Variants in CFAP44 observed in about 807,000 individuals in gnomAD.
CFAP44 encodes cilia- and flagella-associated protein 44.
In CFAP44, 134 loss-of-function variants were observed where a neutral mutation model predicts 216.2. That is an observed-to-expected ratio of 0.62 (90% CI 0.54 to 0.72). The LOEUF is 0.72. Ranked by LOEUF, CFAP44 falls within the 30% of genes least tolerant of loss-of-function variation. The pLI is 0.00. For synonymous variants in CFAP44, 700 were observed against 727.6 expected, an observed-to-expected ratio of 0.96 and a Z score of 0.61; for missense variants, 2,035 against 2,182.1, an observed-to-expected ratio of 0.93 and a Z score of 1.34.
intron 4 of CFAP44, 181 bp downstream of exon 4, chr3:113,425,943 T>C (rs370044735): frequency 1.2e-5 from 8 of 666,502 alleles, no homozygotes; most frequent in African/African-American, 9.1e-5. Context: ...CCTGTCCTTG[T>C]TGTGTGATGG....
chr3:113,312,900 G>C (rs973760760), intron 28 of CFAP44, among the ~76,000 whole-genome samples: 4 of 152,164 alleles, frequency 2.6e-5, no homozygotes, highest in African/African-American at 9.7e-5. Context: ...TGGATACCCA[G>C]GCAGAAGTTT....
At chr3:113,379,630 A>C in intron 16 of CFAP44, 79 bp from the exon 17 acceptor site, 1 of 1,146,486 alleles carries the variant, frequency 8.7e-7, no homozygotes, top group South Asian at 2.1e-5. Flanking sequence ...ATGACAATGA[A>C]AATAGAAAGA....
chr3:113,381,038 A>T lies in CFAP44; in HGVS notation c.1913T>A (p.Ile638Asn), dbSNP rs1316792659. ...MSHPESTLLI[I>N]CENGYILEAP... ...TTCAAGAATATAGCCATTTTCACAG[A>T]TAATTAGTAAAGTACTTTCAGGCTA... The change falls in exon 16 of 35, where the codon ATC (isoleucine) becomes AAC (asparagine). Residue 638 changes from isoleucine to asparagine, a missense_variant. Transcript: ENST00000393845. 1.3e-6 allele frequency: 2 copies of T among 1,574,056 alleles called. No individual in the cohort carries two copies.
At chr3:113,299,342 G>A (rs1949913119) in intron 32 of CFAP44, among the ~76,000 whole-genome samples, 1 of 152,154 alleles carries the variant, frequency 6.6e-6, no homozygotes, top group African/African-American at 2.4e-5. Flanking sequence ...TCAGAAAAGT[G>A]CAAATAAAAG....
chr3:113,441,188 G>A (rs1348672764), intron 1 of CFAP44, among the ~76,000 whole-genome samples: 3 of 152,222 alleles, frequency 2.0e-5, no homozygotes, highest in African/African-American at 7.2e-5. Context: ...TGACTTGGCC[G>A]GGTCTAAGCT....
At chr3:113,345,753 TCACA>T (rs1329860322) in intron 22 of CFAP44, among the ~76,000 whole-genome samples, 2 of 152,210 alleles carry the variant, frequency 1.3e-5, no homozygotes, top group Non-Finnish European at 2.9e-5. Flanking sequence ...TTCATAATTA[TCACA>T]CACACACAAA....
intron 4 of CFAP44, among the ~76,000 whole-genome samples, chr3:113,422,238 G>A (rs1291707170): frequency 6.6e-6 from 1 of 152,108 alleles, no homozygotes; most frequent in East Asian, 1.9e-4. Context: ...AGGATCATTG[G>A]AGGAATTTGT....
At chr3:113,404,558 A>G (rs919593993) in intron 8 of CFAP44, among the ~76,000 whole-genome samples, 4 of 152,134 alleles carry the variant, frequency 2.6e-5, no homozygotes, top group African/African-American at 9.7e-5. Flanking sequence ...GTCACAAATA[A>G]AGTAATATTT....
intron 32 of CFAP44, among the ~76,000 whole-genome samples, chr3:113,302,772 CA>C (rs57355375): frequency 0.016 from 711 of 44,506 alleles, no homozygotes; most frequent in African/African-American, 0.028. Flanking sequence ...GACTCCATCT[CA>C]AAAAAAAAAA....
intron 24 of CFAP44, among the ~76,000 whole-genome samples, chr3:113,340,156 G>T (rs937878575): frequency 6.6e-6 from 1 of 152,324 alleles, no homozygotes; most frequent in African/African-American, 2.4e-5. Context: ...AAAAGGGTAA[G>T]GAGAGGTGCC....
intron 13 of CFAP44, among the ~76,000 whole-genome samples, chr3:113,398,691 T>C (rs1048352113): frequency 6.6e-6 from 1 of 152,218 alleles, no homozygotes; most frequent in East Asian, 1.9e-4. Flanking sequence ...TTTCTGATCT[T>C]GATCCCATCA....
intron 15 of CFAP44, among the ~76,000 whole-genome samples, chr3:113,381,858 G>A (rs1933519412): frequency 6.6e-6 from 1 of 152,130 alleles, no homozygotes; most frequent in South Asian, 2.1e-4. Flanking sequence ...TACCTCCAAT[G>A]GAAGCTTGTC....
chr3:113,397,816 C>T (rs1934029267), intron 13 of CFAP44, among the ~76,000 whole-genome samples: 1 of 151,966 alleles, frequency 6.6e-6, no homozygotes, highest in Non-Finnish European at 1.5e-5. Context: ...TTTGTAGTTG[C>T]TATTGTTGAT....
intron 28 of CFAP44, among the ~76,000 whole-genome samples, chr3:113,312,967 G>A (rs1482726281): frequency 6.6e-6 from 1 of 152,142 alleles, no homozygotes; most frequent in Non-Finnish European, 1.5e-5. Flanking sequence ...TGGGAAATGT[G>A]GGGTCAGAGC....
intron 15 of CFAP44, among the ~76,000 whole-genome samples, chr3:113,391,710 A>AG (rs1288993747): frequency 6.6e-6 from 1 of 152,168 alleles, no homozygotes. Context: ...TATGGGGGAA[A>AG]AAATCTACTA....
chr3:113,387,500 C>A (rs1013474259), intron 15 of CFAP44, among the ~76,000 whole-genome samples: 2 of 152,112 alleles, frequency 1.3e-5, no homozygotes, highest in African/African-American at 2.4e-5. Context: ...TCATCACCTG[C>A]TGACTAAAGA....
Position 113,381,067 on chromosome 3 carries a change from A to C in CFAP44, c.1891-7T>G. On this transcript the variant is annotated splice_polypyrimidine_tract_variant and splice_region_variant and intron_variant, in intron 15 of 34. Coordinates refer to ENST00000393845, the MANE Select transcript of CFAP44 (RefSeq NM_001164496.2). The stretch of plus-strand genomic sequence containing the variant: ...TTAGTAAAGTACTTTCAGGCTAAAA[A>C]AGAAAAATTGAACATATTTACATTT... The C allele has an allele frequency of 1.3e-6, 2 of 1,545,298 alleles. No individual in the cohort carries two copies. Among genetic ancestry groups the C allele is most frequent in the East Asian group, 4.6e-5 (2 of 43,140 alleles).
At chr3:113,369,755 A>AC (rs1308573386) in intron 18 of CFAP44, among the ~76,000 whole-genome samples, 17 of 150,638 alleles carry the variant, frequency 1.1e-4, no homozygotes, top group Non-Finnish European at 2.1e-4. Context: ...AGATAGAGAC[A>AC]AAAAAACCCT....
rs1031328009 is a variant in CFAP44 at position 113,340,801 on chromosome 3, ATCCCGGG to A, written c.3437+936_3437+942del. 4.6e-5 allele frequency among the ~76,000 whole-genome samples: 7 copies of A among 152,226 alleles called. No homozygotes were observed. The East Asian group carries it at 5.8e-4, about 13-fold the overall frequency. Reference sequence around the variant, plus strand: ...ATCACAAGGACAGAGGGATTTCTGTATCCCGGGGTTTCTTGCCTTGGTGTACTGGAAG... The same window carrying A: ...ATCACAAGGACAGAGGGATTTCTGTAGTTTCTTGCCTTGGTGTACTGGAAG... On this transcript the variant is annotated intron_variant, in intron 24 of 34. Transcript: ENST00000393845.
Sources: allele counts gnomAD v4.1 joint callset (sites outside exome capture counted in the v4.1 genomes callset), GRCh38; gene constraint gnomAD v4.1.1; transcripts MANE v1.5; gene names NCBI Gene and HGNC (gene_info 2026-07-23, HGNC 2026-07-21).